The following TMEM222 variants were observed in gnomAD, a reference collection of about 807,000 sequenced individuals.
TMEM222 encodes the protein chromosome 1 open reading frame 160.
A neutral mutation model predicts 25.1 loss-of-function variants in TMEM222; 18 were observed. The observed-to-expected ratio is 0.72, with a 90% CI of 0.50 to 1.06. The LOEUF (loss-of-function observed/expected upper bound fraction) is 1.06. TMEM222 is among the 50% of genes least tolerant of loss of function. The pLI is 0.00. For synonymous variants in TMEM222, 131 were observed against 117.9 expected (o/e 1.11, Z -0.72); for missense variants, 296 against 293.7 (o/e 1.01, Z -0.06).
intron 1 of TMEM222, among the ~76,000 whole-genome samples, chr1:27,329,727 A>G (rs923568926): frequency 2.6e-5 from 4 of 152,196 alleles, no homozygotes; most frequent in Non-Finnish European, 4.4e-5. Flanking sequence ...GGCAAATGTT[A>G]TTTCCCAGGG....
intron 3 of TMEM222, chr1:27,333,435 G>A (rs1395002653): frequency 4.3e-6 from 2 of 470,486 alleles, no homozygotes; most frequent in Admixed American, 4.7e-5. Flanking sequence ...TCATCAATTG[G>A]GTATCTTAGA....
intron 1 of TMEM222, chr1:27,325,448 G>A (rs1011314277): frequency 6.6e-5 from 85 of 1,278,940 alleles, no homozygotes; most frequent in Non-Finnish European, 8.3e-5. Context: ...GTCCGGAGGC[G>A]CTGTTCCAGC....
chr1:27,329,995 G>A (rs1292849056), intron 1 of TMEM222, among the ~76,000 whole-genome samples: 11 of 147,918 alleles, frequency 7.4e-5, no homozygotes, highest in Middle Eastern at 3.8e-3. Context: ...CCAGCTACTC[G>A]GGAGGCTGAG....
rs1290708771 is a variant in TMEM222 at position 27,335,379 on chromosome 1, C to T, written c.540C>T (p.Ser180=). Residue 180 remains serine (S), a splice_region_variant and synonymous_variant, in exon 6 of 6, where the codon AGC becomes AGT. Transcript: ENST00000374076. The stretch of plus-strand genomic sequence containing the variant: ...ATGCTCGCTCCTTTCTCTCTGTCAG[C>T]GTTGGGGCCTTCGTGAAGACCTGGC... The part of the protein sequence containing the change: ...FFCLLYGKYV[S]VGAFVKTWLP... 8.7e-6 allele frequency: 14 copies of T among 1,614,040 alleles called. No homozygotes were observed. Among genetic ancestry groups the T allele is most frequent in the South Asian group, 2.2e-5 (2 of 91,090 alleles).
intron 5 of TMEM222, chr1:27,334,520 C>A: frequency 7.2e-7 from 1 of 1,385,216 alleles, no homozygotes. Context: ...TGCTGTGAGA[C>A]CATGGGCAAC....
chr1:27,328,695 C>A (rs995088627), intron 1 of TMEM222, among the ~76,000 whole-genome samples: 1 of 152,224 alleles, frequency 6.6e-6, no homozygotes, highest in African/African-American at 2.4e-5. Flanking sequence ...GCACATGTAC[C>A]ACTTTCTTGC....
At chr1:27,335,179 G>T (rs563786764) in intron 5 of TMEM222, 200 bp from the exon 6 acceptor site, 160 of 604,240 alleles carry the variant, frequency 2.6e-4, no homozygotes, top group Admixed American at 1.9e-3. Flanking sequence ...GCCCCTGCCC[G>T]GGACCATAGC....
At chr1:27,324,981 T>C (rs2014303704) in intron 1 of TMEM222, among the ~76,000 whole-genome samples, 1 of 152,104 alleles carries the variant, frequency 6.6e-6, no homozygotes. Flanking sequence ...GACAGGAGAT[T>C]TGGCGGGGAC....
At chr1:27,327,475 G>T (rs2014379168) in intron 1 of TMEM222, among the ~76,000 whole-genome samples, 1 of 152,178 alleles carries the variant, frequency 6.6e-6, no homozygotes, top group Admixed American at 6.5e-5. Context: ...TGCATCCTCC[G>T]CCTCCGGGGT....
chr1:27,332,417 G>T (rs887372453), intron 3 of TMEM222: 13 of 718,026 alleles, frequency 1.8e-5, no homozygotes. Context: ...GGCAGAGCTG[G>T]GACCCACACC....
rs2148020917 is a variant in TMEM222 at position 27,336,131 on chromosome 1, G to C, written c.*665G>C. ...TGAGGCCAGAGAGGTGAGTGGACCT[G>C]ACAAGTGCCAGAGTAACCGTGTAGA... On this transcript the variant is annotated 3_prime_UTR_variant, in exon 6 of 6. Transcript: ENST00000374076. 1 of 154,442 alleles carries C rather than the reference G, an allele frequency of 6.5e-6. No homozygotes were observed. The highest frequency in any genetic ancestry group is 2.4e-5 in the African/African-American group (1 of 41,598). 9.6% of individuals were successfully genotyped at this position (154,442 alleles called of 1,614,324 possible). A position where few individuals can be genotyped will look rare whatever the true frequency, so the allele number is the denominator to read the frequency against.
chr1:27,325,905 G>A (rs567161431), intron 1 of TMEM222: 20 of 711,268 alleles, frequency 2.8e-5, no homozygotes, highest in Non-Finnish European at 4.9e-5. Context: ...AATGGAATAA[G>A]CCTTCGAAAA....
chr1:27,335,310 C>T, intron 5 of TMEM222, 69 bp from the exon 6 acceptor site: 1 of 1,507,788 alleles, frequency 6.6e-7, no homozygotes, highest in South Asian at 1.1e-5. Flanking sequence ...TGTGGGTGCT[C>T]AGGGCTGCGG....
At chr1:27,325,622 C>T (rs1392938701) in intron 1 of TMEM222, 12 of 883,456 alleles carry the variant, frequency 1.4e-5, no homozygotes, top group African/African-American at 3.3e-5. Flanking sequence ...AGGAGATTAA[C>T]GCCCTGGCAT....
At chr1:27,322,449 G>C (rs947634291) in intron 1 of TMEM222, 58 bp downstream of exon 1, 3 of 1,317,378 alleles carry the variant, frequency 2.3e-6, no homozygotes, top group Middle Eastern at 2.0e-4. Context: ...AGCCGGAGTC[G>C]GGCCGGGCTA....
In TMEM222 at chr1:27,322,255, A is replaced by G; in HGVS notation, c.58A>G (p.Arg20Gly). Reference protein sequence around the residue: ...LLLPPPPPPPRMAEVEAPTAA... With the variant: ...LLLPPPPPPPGMAEVEAPTAA... ...GTTGCCGCCGCCGCCACCCCCGCCC[A>G]GGATGGCGGAAGTGGAGGCGCCGAC... Residue 20 changes from arginine (R) to glycine (G), a missense_variant, in exon 1 of 6, where the codon AGG (arginine) becomes GGG (glycine). Transcript: ENST00000374076. The G allele has an allele frequency of 6.5e-7, 1 of 1,531,246 alleles. No homozygotes were observed. The highest frequency in any genetic ancestry group is 8.8e-7 in the Non-Finnish European group (1 of 1,135,566). 94.9% of individuals were successfully genotyped at this position (1,531,246 alleles called of 1,614,324 possible). A position where few individuals can be genotyped will look rare whatever the true frequency, so the allele number is the denominator to read the frequency against.
At chr1:27,322,551 A>G (rs1201032339) in intron 1 of TMEM222, among the ~76,000 whole-genome samples, 160 bp downstream of exon 1, 1 of 152,180 alleles carries the variant, frequency 6.6e-6, no homozygotes. Flanking sequence ...ATGTAGTGCC[A>G]GTTTGTGCAC....
intron 1 of TMEM222, among the ~76,000 whole-genome samples, chr1:27,329,803 C>T (rs2014434880): frequency 6.6e-6 from 1 of 152,194 alleles, no homozygotes; most frequent in Non-Finnish European, 1.5e-5. Flanking sequence ...AAACTGTTTT[C>T]CAGAATGGTA....
chr1:27,324,200 T>C (rs867793486), intron 1 of TMEM222, among the ~76,000 whole-genome samples: 7 of 152,176 alleles, frequency 4.6e-5, no homozygotes, highest in South Asian at 4.1e-4. Context: ...GGCACATGCC[T>C]GTAATCCCAG....
Sources: allele counts gnomAD v4.1 joint callset (sites outside exome capture counted in the v4.1 genomes callset), GRCh38; gene constraint gnomAD v4.1.1; transcripts MANE v1.5; gene names NCBI Gene and HGNC (gene_info 2026-07-23, HGNC 2026-07-21).